Variants in SLC27A6 observed in about 807,000 individuals in gnomAD.
SLC27A6 encodes the protein long-chain fatty acid transport protein 6.
SLC27A6 carries 74 observed loss-of-function variants against 63.9 expected under a neutral mutation model. That is an observed-to-expected ratio of 1.16 (90% confidence interval 0.96 to 1.40). The LOEUF (loss-of-function observed/expected upper bound fraction) is 1.40. Among genes scored for constraint, SLC27A6 ranks in the 40% most tolerant of loss-of-function variants. The pLI is 0.00. For missense variants in SLC27A6, 794 were observed against 732.9 expected, an observed-to-expected ratio of 1.08 and a Z score of -0.96; for synonymous variants, 287 against 260.8, an observed-to-expected ratio of 1.10 and a Z score of -0.97.
At chr5:128,967,630 A>G (rs929332346) in intron 1 of SLC27A6, among the ~76,000 whole-genome samples, 1 of 152,192 alleles carries the variant, frequency 6.6e-6, no homozygotes, top group African/African-American at 2.4e-5. Context: ...TAATATTTGT[A>G]TATCAAACCA....
intron 4 of SLC27A6, among the ~76,000 whole-genome samples, chr5:129,011,145 A>G (rs1241199930): frequency 4.6e-5 from 7 of 152,142 alleles, no homozygotes; most frequent in Non-Finnish European, 1.0e-4. Flanking sequence ...AGATTTATGT[A>G]TTTATCTTGG....
chr5:128,973,427 C>T (rs895493082), intron 1 of SLC27A6, among the ~76,000 whole-genome samples: 8 of 152,210 alleles, frequency 5.3e-5, no homozygotes, highest in Non-Finnish European at 7.3e-5. Context: ...GTGGGCTCCA[C>T]CCAGTTCGAT....
chr5:129,024,602 T>C (rs899635257), intron 6 of SLC27A6, among the ~76,000 whole-genome samples: 1 of 152,092 alleles, frequency 6.6e-6, no homozygotes, highest in Non-Finnish European at 1.5e-5. Context: ...TCTACCAAGG[T>C]AGACTTTCTT....
At chr5:129,022,995 C>T (rs1054876942) in intron 5 of SLC27A6, among the ~76,000 whole-genome samples, 3 of 151,936 alleles carry the variant, frequency 2.0e-5, no homozygotes, top group East Asian at 1.9e-4. Flanking sequence ...GTTCTTGATG[C>T]GATGGGAGTT....
Position 129,031,841 on chromosome 5 carries a change from A to G in SLC27A6, c.1684-1265A>G, listed in dbSNP as rs998560673. On this transcript the variant is annotated intron_variant, in intron 9 of 9. Transcript: ENST00000262462. ...CAGTGAGCTGCTAATTTTTAAGAAA[A>G]GAGTAAAAGGATATGTTTGCTTGCA... Among the ~76,000 whole-genome samples, 132 of 152,120 alleles carry G rather than the reference A, an allele frequency of 8.7e-4. 1 individual carries two copies. Among genetic ancestry groups the G allele is most frequent in the Non-Finnish European group, 1.3e-3 (90 of 67,944 alleles).
chr5:129,029,250 C>T (rs1235980661), intron 8 of SLC27A6, among the ~76,000 whole-genome samples: 3 of 152,082 alleles, frequency 2.0e-5, no homozygotes, highest in African/African-American at 7.2e-5. Flanking sequence ...AATATAGTTG[C>T]CTTTAAATAA....
intron 8 of SLC27A6, 100 bp from the exon 9 acceptor site, chr5:129,029,477 T>C: frequency 1.4e-6 from 1 of 738,510 alleles, no homozygotes; most frequent in Non-Finnish European, 2.2e-6. Context: ...ATTACTGAAA[T>C]AGATTTAATG....
chr5:128,985,177 A>G lies in SLC27A6; in HGVS notation c.526A>G (p.Asn176Asp), dbSNP rs774074213. 6.2e-7 allele frequency: 1 copy of G among 1,613,922 alleles called. No individual in the cohort carries two copies. ...AGAAATCCTTCCAAGCCTCTCAGAA[A>G]ATATCAGTGTTTGGGGGATGAAAGA... ...VEEILPSLSE[N>D]ISVWGMKDSV... Residue 176 changes from asparagine to aspartate, a missense_variant, in exon 2 of 10, where the codon AAT becomes GAT. Asn to Asp is a conservative substitution (Grantham distance 23). Coordinates refer to ENST00000262462, the MANE Select transcript of SLC27A6 (RefSeq NM_001017372.3).
At chr5:129,006,069 C>CTTTTTTTTTTTT (rs1561624835) in intron 4 of SLC27A6, among the ~76,000 whole-genome samples, 7 of 64,848 alleles carry the variant, frequency 1.1e-4, no homozygotes, top group African/African-American at 2.2e-4. Flanking sequence ...CCTGTGCACA[C>CTTTTTTTTTTTT]TGTTTTTTTT....
In SLC27A6 at chr5:128,979,130, A is replaced by G. The variant is rs143099012; in HGVS notation, c.482-6003A>G. 1.5e-4 allele frequency among the ~76,000 whole-genome samples: 23 copies of G among 150,700 alleles called. No homozygotes were observed. The East Asian group carries it at 3.3e-3, about 22-fold the overall frequency. On this transcript the variant is annotated intron_variant, in intron 1 of 9. Transcript: ENST00000262462. ...CAAATGGATGCAATCATTATTTTTA[A>G]CTGCATAATGGCAGAGACAGCCACC...
At chr5:128,968,340 G>A (rs982998824) in intron 1 of SLC27A6, among the ~76,000 whole-genome samples, 2 of 152,122 alleles carry the variant, frequency 1.3e-5, no homozygotes, top group South Asian at 2.1e-4. Context: ...TCACCACACC[G>A]TCTTCCACAA....
rs267600339 is a variant in SLC27A6 at position 129,028,367 on chromosome 5, A to G, written c.1477A>G (p.Thr493Ala). The G allele has an allele frequency of 1.2e-6, 2 of 1,610,450 alleles. No individual in the cohort carries two copies. Among genetic ancestry groups the G allele is most frequent in the Admixed American group, 1.7e-5 (1 of 59,858 alleles). ...TFRWKGENVA[T>A]TEVADVIGML... ...TAGATGGAAAGGAGAAAATGTCGCAACCACTGAGGTTGCTGATGTTATTGG... is the reference window on the plus strand; with the variant it reads ...TAGATGGAAAGGAGAAAATGTCGCAGCCACTGAGGTTGCTGATGTTATTGG... The change falls in exon 8 of 10, where the codon ACC becomes GCC. Residue 493 changes from threonine (T) to alanine (A), a missense_variant. Physicochemically the swap from Thr to Ala is moderately conservative, Grantham distance 58 (BLOSUM62 0). Transcript: ENST00000262462.
At chr5:128,992,078 C>T (rs1328947178) in intron 4 of SLC27A6, among the ~76,000 whole-genome samples, 3 of 151,530 alleles carry the variant, frequency 2.0e-5, no homozygotes, top group Non-Finnish European at 4.4e-5. Context: ...ATCAGATCCA[C>T]ATCAGCCCCT....
chr5:129,015,318 A>C (rs1273575409), intron 4 of SLC27A6, among the ~76,000 whole-genome samples: 1 of 152,228 alleles, frequency 6.6e-6, no homozygotes, highest in Admixed American at 6.5e-5. Context: ...CAATAATTAC[A>C]TATAGTTGCC....
chr5:129,026,156 G>A (rs916997182), intron 6 of SLC27A6, among the ~76,000 whole-genome samples: 1 of 152,034 alleles, frequency 6.6e-6, no homozygotes, highest in African/African-American at 2.4e-5. Flanking sequence ...TAAAAAGACA[G>A]AAATCACTCT....
At chr5:129,008,082 G>A (rs765283846) in intron 4 of SLC27A6, among the ~76,000 whole-genome samples, 7 of 151,566 alleles carry the variant, frequency 4.6e-5, no homozygotes, top group Non-Finnish European at 7.4e-5. Flanking sequence ...TTATTTTTCT[G>A]TATTCTCTAA....
chr5:128,983,857 G>C (rs962270354), intron 1 of SLC27A6, among the ~76,000 whole-genome samples: 39 of 152,134 alleles, frequency 2.6e-4, no homozygotes, highest in Non-Finnish European at 5.4e-4. Flanking sequence ...GCAGAGCCAT[G>C]CTCCCTCAGA....
intron 4 of SLC27A6, among the ~76,000 whole-genome samples, chr5:128,999,308 G>A (rs1467550643): frequency 6.6e-6 from 1 of 152,050 alleles, no homozygotes; most frequent in Non-Finnish European, 1.5e-5. Context: ...CATGTCTTTA[G>A]GTTGGACTCA....
At chr5:129,000,356 G>A (rs1407356929) in intron 4 of SLC27A6, among the ~76,000 whole-genome samples, 1 of 151,974 alleles carries the variant, frequency 6.6e-6, no homozygotes, top group Non-Finnish European at 1.5e-5. Flanking sequence ...TTAGTGCCTA[G>A]AATGGTGCCT....
Sources: allele counts gnomAD v4.1 joint callset (sites outside exome capture counted in the v4.1 genomes callset), GRCh38; gene constraint gnomAD v4.1.1; transcripts MANE v1.5; gene names NCBI Gene and HGNC (gene_info 2026-07-23, HGNC 2026-07-21).